Variants in GRM1 observed in about 807,000 individuals in gnomAD.
GRM1 encodes metabotropic glutamate receptor 1.
In GRM1, 33 loss-of-function variants were observed where a neutral mutation model predicts 90.9. That is an observed-to-expected ratio of 0.36 (90% CI 0.28 to 0.49). The LOEUF (loss-of-function observed/expected upper bound fraction) is 0.49, where lower values mean the gene tolerates loss of function less well. Among genes scored for constraint, GRM1 ranks in the 20% least tolerant of loss-of-function variants. The probability of loss-of-function intolerance (pLI) is 0.99; values close to 1 mark genes in which losing one functional copy is unlikely to be tolerated. For missense variants in GRM1, 1,190 were observed against 1,534.3 expected, an observed-to-expected ratio of 0.78 and a Z score of 3.75; for synonymous variants, 700 against 613.2, an observed-to-expected ratio of 1.14 and a Z score of -2.09.
At chr6:146,278,164 T>A (rs1782440622) in intron 2 of GRM1, among the ~76,000 whole-genome samples, 1 of 152,176 alleles carries the variant, frequency 6.6e-6, no homozygotes, top group Non-Finnish European at 1.5e-5. Flanking sequence ...TACCTTCAAA[T>A]CATATTTATT....
At chr6:146,137,081 G>C (rs1165243142) in intron 1 of GRM1, among the ~76,000 whole-genome samples, 3 of 151,992 alleles carry the variant, frequency 2.0e-5, no homozygotes, top group Non-Finnish European at 4.4e-5. Context: ...TTGAACTCCT[G>C]ACCTCAGGTA....
intron 1 of GRM1, among the ~76,000 whole-genome samples, chr6:146,056,473 C>T (rs1775485633): frequency 6.6e-6 from 1 of 152,120 alleles, no homozygotes; most frequent in Non-Finnish European, 1.5e-5. Flanking sequence ...CCTAACTGTG[C>T]CCAAGCTGCT....
At chr6:146,097,183 A>T (rs1582997172) in intron 1 of GRM1, among the ~76,000 whole-genome samples, 1 of 152,164 alleles carries the variant, frequency 6.6e-6, no homozygotes, top group African/African-American at 2.4e-5. Context: ...ATTTTGCTTA[A>T]TGGGGGGTTT....
At chr6:146,079,994 T>C (rs558853366) in intron 1 of GRM1, among the ~76,000 whole-genome samples, 1 of 152,354 alleles carries the variant, frequency 6.6e-6, no homozygotes, top group African/African-American at 2.4e-5. Context: ...AATTCTTCAC[T>C]ATAGGTTTGC....
intron 2 of GRM1, among the ~76,000 whole-genome samples, chr6:146,233,785 A>T (rs1044295382): frequency 3.3e-5 from 5 of 152,160 alleles, no homozygotes; most frequent in Admixed American, 6.6e-5. Context: ...AACTATAGTT[A>T]GACGGAATAA....
At chr6:146,346,303 G>T (rs1785188701) in intron 3 of GRM1, among the ~76,000 whole-genome samples, 1 of 152,128 alleles carries the variant, frequency 6.6e-6, no homozygotes, top group African/African-American at 2.4e-5. Flanking sequence ...GTTTGCACAT[G>T]TAAAGCCCAG....
chr6:146,133,954 C>T (rs1482525319), intron 1 of GRM1, among the ~76,000 whole-genome samples: 1 of 152,194 alleles, frequency 6.6e-6, no homozygotes, highest in African/African-American at 2.4e-5. Context: ...TTTTCGATAA[C>T]ATCATATGTA....
intron 7 of GRM1, chr6:146,426,780 C>T (rs919409402): frequency 1.8e-5 from 11 of 612,238 alleles, no homozygotes; most frequent in African/African-American, 7.4e-5. Context: ...ATGGTTTGCA[C>T]GACTGCCTTA....
intron 1 of GRM1, among the ~76,000 whole-genome samples, chr6:146,087,040 C>G (rs1776570661): frequency 6.6e-6 from 1 of 151,996 alleles, no homozygotes; most frequent in South Asian, 2.1e-4. Context: ...AGATCCAAAA[C>G]TTTTATGTTA....
chr6:146,314,570 GT>G (rs1783900031), intron 3 of GRM1, among the ~76,000 whole-genome samples: 1 of 152,134 alleles, frequency 6.6e-6, no homozygotes, highest in Non-Finnish European at 1.5e-5. Flanking sequence ...TGTGGTAAGT[GT>G]GTGTTTAACT....
intron 2 of GRM1, among the ~76,000 whole-genome samples, chr6:146,179,893 G>A (rs568827960): frequency 6.6e-6 from 1 of 151,448 alleles, no homozygotes; most frequent in Admixed American, 6.6e-5. Flanking sequence ...TCTTTTCCCA[G>A]CACTTTGGGA....
At chr6:146,116,421 C>T (rs1162106547) in intron 1 of GRM1, among the ~76,000 whole-genome samples, 2 of 151,992 alleles carry the variant, frequency 1.3e-5, no homozygotes, top group Non-Finnish European at 2.9e-5. Context: ...ATTTTTAATG[C>T]CAAATGATCA....
At chr6:146,355,678 A>T (rs1785557866) in intron 4 of GRM1, among the ~76,000 whole-genome samples, 1 of 151,796 alleles carries the variant, frequency 6.6e-6, no homozygotes, top group African/African-American at 2.4e-5. Context: ...AAACAAACAA[A>T]CAAAAAAACT....
At chr6:146,412,282 C>T (rs1777599051) in intron 7 of GRM1, among the ~76,000 whole-genome samples, 1 of 152,194 alleles carries the variant, frequency 6.6e-6, no homozygotes, top group Admixed American at 6.5e-5. Flanking sequence ...CAGGGGCAGA[C>T]AAAAATAAGC....
intron 1 of GRM1, among the ~76,000 whole-genome samples, chr6:146,056,053 A>G (rs1343128421): frequency 6.6e-6 from 1 of 152,126 alleles, no homozygotes; most frequent in Non-Finnish European, 1.5e-5. Flanking sequence ...AAACCATACA[A>G]AGAATGCTTT....
At chr6:146,155,380 C>G in intron 1 of GRM1, among the ~76,000 whole-genome samples, 1 of 152,126 alleles carries the variant, frequency 6.6e-6, no homozygotes, top group Admixed American at 6.6e-5. Context: ...AGCCTAGAAG[C>G]AATAGGCTAT....
At chr6:146,086,263 C>T (rs1776542135) in intron 1 of GRM1, among the ~76,000 whole-genome samples, 1 of 152,138 alleles carries the variant, frequency 6.6e-6, no homozygotes, top group South Asian at 2.1e-4. Context: ...CTCTGATTTG[C>T]TCCTCTTGCC....
At chr6:146,218,615 G>GA (rs1222488155) in intron 2 of GRM1, among the ~76,000 whole-genome samples, 1 of 152,066 alleles carries the variant, frequency 6.6e-6, no homozygotes, top group African/African-American at 2.4e-5. Flanking sequence ...TAAAATGTAT[G>GA]AAAAAAATCA....
At chr6:146,041,226 C>T (rs970501196) in intron 1 of GRM1, among the ~76,000 whole-genome samples, 1 of 152,006 alleles carries the variant, frequency 6.6e-6, no homozygotes, top group Non-Finnish European at 1.5e-5. Flanking sequence ...TGAGAGCTCA[C>T]ATATTGCCAT....
Sources: allele counts gnomAD v4.1 joint callset (sites outside exome capture counted in the v4.1 genomes callset), GRCh38; gene constraint gnomAD v4.1.1; transcripts MANE v1.5; gene names NCBI Gene and HGNC (gene_info 2026-07-23, HGNC 2026-07-21).